MYO1B: variants seen among roughly 807,000 people sequenced by gnomAD.
MYO1B encodes the protein unconventional myosin-Ib.
MYO1B carries 72 observed loss-of-function variants against 159.7 expected under a neutral mutation model. The observed-to-expected ratio is 0.45, with a 90% confidence interval of 0.37 to 0.55. MYO1B has a LOEUF of 0.55. MYO1B is among the 20% of genes least tolerant of loss of function. The probability of loss-of-function intolerance (pLI) is 0.00; values close to 1 mark genes in which losing one functional copy is unlikely to be tolerated. For synonymous variants in MYO1B, 468 were observed against 473.8 expected (o/e 0.99, Z 0.16); for missense variants, 1,062 against 1,364.8 (o/e 0.78, Z 3.50).
chr2:191,323,282 C>G (rs1246193312), intron 3 of MYO1B, among the ~76,000 whole-genome samples: 3 of 152,074 alleles, frequency 2.0e-5, no homozygotes. Flanking sequence ...GTATCTTGTG[C>G]TGACCTCTTA....
chr2:191,386,193 G>A, intron 16 of MYO1B, 109 bp downstream of exon 16: 1 of 977,906 alleles, frequency 1.0e-6, no homozygotes, highest in South Asian at 1.6e-5. Flanking sequence ...AGGACAAATT[G>A]AGCTGCTAAA....
At chr2:191,420,842 C>G (rs1012059666) in intron 30 of MYO1B, among the ~76,000 whole-genome samples, 5 of 152,094 alleles carry the variant, frequency 3.3e-5, no homozygotes, top group Non-Finnish European at 7.4e-5. Context: ...ATCCATGTTC[C>G]TTTTACCTTG....
At chr2:191,403,238 AGT>A (rs1255231009) in intron 24 of MYO1B, among the ~76,000 whole-genome samples, 3 of 152,204 alleles carry the variant, frequency 2.0e-5, no homozygotes, top group African/African-American at 7.2e-5. Context: ...TTGATGAATG[AGT>A]TCAGAGATTC....
intron 2 of MYO1B, among the ~76,000 whole-genome samples, chr2:191,289,056 C>T (rs552919543): frequency 9.2e-5 from 14 of 152,156 alleles, no homozygotes; most frequent in Non-Finnish European, 2.1e-4. Flanking sequence ...AGAATGATTA[C>T]GATTGAATCT....
intron 2 of MYO1B, among the ~76,000 whole-genome samples, chr2:191,289,753 A>C (rs2125790030): frequency 6.6e-6 from 1 of 152,356 alleles, no homozygotes; most frequent in African/African-American, 2.4e-5. Flanking sequence ...GTAGTTATAC[A>C]TTTTAATATC....
intron 15 of MYO1B, among the ~76,000 whole-genome samples, chr2:191,384,947 C>T (rs1248515181): frequency 2.0e-5 from 3 of 152,138 alleles, no homozygotes; most frequent in African/African-American, 2.4e-5. Context: ...TGAGAGTCCA[C>T]GCTTCCCCAG....
chr2:191,274,039 C>T (rs1225396600), intron 1 of MYO1B, among the ~76,000 whole-genome samples: 2 of 152,104 alleles, frequency 1.3e-5, no homozygotes, highest in African/African-American at 2.4e-5. Context: ...ATGGAAATAC[C>T]CCCACACCGT....
At chr2:191,249,550 G>T (rs1685986535) in intron 1 of MYO1B, among the ~76,000 whole-genome samples, 1 of 152,232 alleles carries the variant, frequency 6.6e-6, no homozygotes, top group Non-Finnish European at 1.5e-5. Flanking sequence ...GGGTGGCACT[G>T]AGAGTGGCAC....
chr2:191,348,588 C>CT (rs66688359), intron 6 of MYO1B, among the ~76,000 whole-genome samples: 5 of 150,772 alleles, frequency 3.3e-5, no homozygotes, highest in African/African-American at 7.3e-5. Flanking sequence ...CATGACTGGA[C>CT]TTTTTTTTTT....
chr2:191,344,010 T>C (rs992092894), intron 5 of MYO1B, among the ~76,000 whole-genome samples: 2 of 152,232 alleles, frequency 1.3e-5, no homozygotes, highest in Non-Finnish European at 2.9e-5. Context: ...CAGATTTGTT[T>C]GATGAAAAGA....
intron 3 of MYO1B, among the ~76,000 whole-genome samples, chr2:191,305,633 A>G (rs1410042869): frequency 6.6e-6 from 1 of 152,246 alleles, no homozygotes; most frequent in Non-Finnish European, 1.5e-5. Flanking sequence ...TGGGAGACAG[A>G]CTGATAAATA....
At chr2:191,379,723 T>C (rs1694931143) in intron 13 of MYO1B, among the ~76,000 whole-genome samples, 1 of 152,218 alleles carries the variant, frequency 6.6e-6, no homozygotes, top group Admixed American at 6.5e-5. Context: ...TCTTATAAGT[T>C]ATTAATGTTT....
intron 14 of MYO1B, 113 bp downstream of exon 14, chr2:191,381,679 A>G: frequency 2.8e-6 from 2 of 716,916 alleles, no homozygotes; most frequent in South Asian, 3.7e-5. Flanking sequence ...TACATACTGT[A>G]TGATTCCATC....
chr2:191,411,701 T>C (rs1697258563), intron 27 of MYO1B, among the ~76,000 whole-genome samples: 1 of 152,186 alleles, frequency 6.6e-6, no homozygotes, highest in Non-Finnish European at 1.5e-5. Context: ...TTCTGTGGCC[T>C]GTACAGCACG....
intron 4 of MYO1B, among the ~76,000 whole-genome samples, chr2:191,333,575 C>G (rs1047363310): frequency 6.6e-6 from 1 of 152,112 alleles, no homozygotes; most frequent in Non-Finnish European, 1.5e-5. Flanking sequence ...CACAAGCCAC[C>G]ACCCATTATC....
intron 7 of MYO1B, among the ~76,000 whole-genome samples, chr2:191,357,354 G>A (rs960729001): frequency 1.3e-5 from 2 of 151,944 alleles, no homozygotes; most frequent in African/African-American, 4.9e-5. Context: ...CAGGCTCCGT[G>A]TCGATAGTCG....
intron 6 of MYO1B, among the ~76,000 whole-genome samples, chr2:191,349,785 G>C (rs1304639489): frequency 1.3e-5 from 2 of 152,098 alleles, no homozygotes; most frequent in Non-Finnish European, 2.9e-5. Flanking sequence ...AACATATTCT[G>C]CCAATAAAAA....
intron 27 of MYO1B, among the ~76,000 whole-genome samples, chr2:191,413,822 C>T (rs532626568): frequency 1.3e-5 from 2 of 152,238 alleles, no homozygotes; most frequent in East Asian, 3.9e-4. Flanking sequence ...TATCAAAGTC[C>T]TGCCCACCAA....
intron 2 of MYO1B, among the ~76,000 whole-genome samples, chr2:191,294,398 A>AT (rs939929720): frequency 3.9e-5 from 6 of 152,304 alleles, no homozygotes; most frequent in Non-Finnish European, 5.9e-5. Context: ...AAGAAGGTTG[A>AT]TTTTTTTAAC....
Sources: allele counts gnomAD v4.1 joint callset (sites outside exome capture counted in the v4.1 genomes callset), GRCh38; gene constraint gnomAD v4.1.1; transcripts MANE v1.5; gene names NCBI Gene and HGNC (gene_info 2026-07-23, HGNC 2026-07-21).